DHRS12: variants seen among roughly 807,000 people sequenced by gnomAD.
DHRS12 encodes the protein dehydrogenase/reductase 12.
In DHRS12, 29 loss-of-function variants were observed where a neutral mutation model predicts 32.1. The observed-to-expected ratio is 0.90, with a 90% CI of 0.67 to 1.23. The LOEUF (loss-of-function observed/expected upper bound fraction) is 1.23, where lower values mean the gene tolerates loss of function less well. Ranked by LOEUF, DHRS12 falls within the 50% of genes most tolerant of loss-of-function variation. DHRS12 has a pLI of 0.00. For synonymous variants in DHRS12, 150 were observed against 135.9 expected (o/e 1.10, Z -0.72); for missense variants, 330 against 337.2 (o/e 0.98, Z 0.17).
chr13:51,788,670 C>A (rs1383811124), intron 4 of DHRS12, among the ~76,000 whole-genome samples: 3 of 151,842 alleles, frequency 2.0e-5, no homozygotes, highest in African/African-American at 7.3e-5. Context: ...CATAGTGAGA[C>A]CCCCACCTCA....
chr13:51,770,743 G>A (rs1953971308), intron 7 of DHRS12: 1 of 1,000,690 alleles, frequency 1.0e-6, no homozygotes, highest in African/African-American at 1.8e-5. Flanking sequence ...ATAGGGGTGT[G>A]GTAGTTACAA....
chr13:51,779,666 G>C (rs943599082), intron 4 of DHRS12, among the ~76,000 whole-genome samples: 1 of 152,224 alleles, frequency 6.6e-6, no homozygotes, highest in Non-Finnish European at 1.5e-5. Context: ...GCTGCTGACA[G>C]GTTCTCCTGT....
the DHRS12 span, chr13:51,756,506 A>G: frequency 6.3e-7 from 1 of 1,590,388 alleles, no homozygotes; most frequent in Admixed American, 1.8e-5. Context: ...TAAGGCGAGA[A>G]TTTAATCTGA....
chr13:51,783,704 T>G (rs1449056006), intron 4 of DHRS12, among the ~76,000 whole-genome samples: 1 of 152,164 alleles, frequency 6.6e-6, no homozygotes, highest in South Asian at 2.1e-4. Context: ...GACCTCTTCT[T>G]AGCCCCCTAG....
chr13:51,776,990 C>A lies in DHRS12; in HGVS notation c.363+70G>T. 12 of 1,580,124 alleles carry A rather than the reference C, an allele frequency of 7.6e-6. No homozygotes were observed. In the South Asian group the frequency reaches 1.1e-4, roughly 15 times the overall value. Reference sequence around the variant, plus strand: ...CCCCTTAGGGCAGTCAGGCAGCAAACCTAGGCCCACTGACTTCCCATCAGG... The same window carrying A: ...CCCCTTAGGGCAGTCAGGCAGCAAAACTAGGCCCACTGACTTCCCATCAGG... On this transcript the variant is annotated intron_variant, in intron 5 of 8. Coordinates refer to ENST00000444610, the MANE Select transcript of DHRS12 (RefSeq NM_001377533.1).
chr13:51,767,692 A>G (rs930217184), downstream of DHRS12: 2 of 149,576 alleles, frequency 1.3e-5, no homozygotes, highest in Non-Finnish European at 2.9e-5. Context: ...GCCTCATTAA[A>G]TTGTTTGTGT....
intron 6 of DHRS12, 37 bp downstream of exon 6, chr13:51,773,892 TG>T (rs1286057374): frequency 1.9e-6 from 3 of 1,572,636 alleles, no homozygotes; most frequent in African/African-American, 2.7e-5. Flanking sequence ...TCGCAGCCCG[TG>T]GGTAAAATGC....
downstream of DHRS12, chr13:51,767,637 A>G (rs1953791503): frequency 6.5e-6 from 1 of 154,000 alleles, no homozygotes; most frequent in Non-Finnish European, 1.4e-5. Flanking sequence ...AGAATGCCAG[A>G]TGCATTACTG....
chr13:51,760,616 C>T, the DHRS12 span: 5 of 152,286 alleles, frequency 3.3e-5, no homozygotes, highest in South Asian at 1.0e-3. Context: ...CTCCCTCACT[C>T]GTAACAATGA....
chr13:51,776,971 AG>A, intron 5 of DHRS12, 88 bp downstream of exon 5: 1 of 1,456,938 alleles, frequency 6.9e-7, no homozygotes. Context: ...TGGCCCCCTT[AG>A]GGCAGTCAGG....
the DHRS12 span, among the ~76,000 whole-genome samples, chr13:51,756,070 T>C: frequency 6.6e-6 from 1 of 152,166 alleles, no homozygotes; most frequent in Admixed American, 6.5e-5. Context: ...CCTAGTATGA[T>C]CATTGGAAAG....
At chr13:51,776,183 C>CTCTACAGTATTCTCCTACATGTAT (rs1954382371) in intron 5 of DHRS12, 2 of 42,274 alleles carry the variant, frequency 4.7e-5, no homozygotes, top group African/African-American at 2.0e-4. Flanking sequence ...CCTACATGTA[C>CTCTACAGTATTCTCCTACATGTAT]TCTACAGTAT....
At chr13:51,784,267 G>C (rs1459685940) in intron 4 of DHRS12, among the ~76,000 whole-genome samples, 1 of 152,212 alleles carries the variant, frequency 6.6e-6, no homozygotes, top group Non-Finnish European at 1.5e-5. Context: ...CAGGCACACA[G>C]AGGGGTCCAT....
Position 51,790,079 on chromosome 13 carries a change from C to A in DHRS12, c.233G>T (p.Gly78Val), listed in dbSNP as rs762083320. The A allele has an allele frequency of 1.3e-5, 20 of 1,590,200 alleles. No homozygotes were observed. The highest frequency in any genetic ancestry group is 1.7e-5 in the Non-Finnish European group (20 of 1,172,596). Residue 78 changes from glycine (G) to valine (V), a missense_variant, in exon 4 of 9, where the codon GGT (glycine) becomes GTT (valine). Physicochemically the swap from Gly to Val is moderately radical, Grantham distance 109. Coordinates refer to ENST00000444610, the MANE Select transcript of DHRS12 (RefSeq NM_001377533.1). ...HKLHVLINNA[G>V]CMVNKRELTE... ...GAGCTCTCTTTTATTGACCATGCAA[C>A]CTGCATTATTGATCTAAAATTTATA... is the stretch of plus-strand genomic sequence containing the variant.
At chr13:51,766,953 G>T (rs532294476), downstream of DHRS12, 3 of 152,334 alleles carry the variant, frequency 2.0e-5, no homozygotes, top group Non-Finnish European at 4.4e-5. Flanking sequence ...CTGTTTGGAG[G>T]TGAAGATGAG....
chr13:51,758,433 C>A, the DHRS12 span: 1 of 509,490 alleles, frequency 2.0e-6, no homozygotes, highest in Non-Finnish European at 3.5e-6. Context: ...TGTCTGTAGT[C>A]CCAGCTACTC....
rs1040127407 is a variant in DHRS12, at chr13:51,768,086, G to T, written c.*101C>A. 6 of 1,495,138 alleles carry T rather than the reference G, an allele frequency of 4.0e-6. No homozygotes were observed. In the African/African-American group the frequency reaches 7.1e-5, roughly 18 times the overall value. 92.6% of individuals were successfully genotyped at this position (1,495,138 alleles called of 1,614,324 possible). ...CCTCGCTGTGAGGCACAACGTCTTC[G>T]AGGGGAAGTTGAAGTGGGGTCTTCT... On this transcript the variant is annotated 3_prime_UTR_variant, in exon 9 of 9. Coordinates refer to ENST00000444610, the MANE Select transcript of DHRS12 (RefSeq NM_001377533.1).
chr13:51,768,506 GC>G, intron 8 of DHRS12: 1 of 1,416,438 alleles, frequency 7.1e-7, no homozygotes, highest in Non-Finnish European at 9.2e-7. Context: ...GGAGGCTGCA[GC>G]CAGGGCTGGA....
chr13:51,778,141 C>T (rs1954533505), intron 4 of DHRS12, among the ~76,000 whole-genome samples: 1 of 152,216 alleles, frequency 6.6e-6, no homozygotes, highest in African/African-American at 2.4e-5. Flanking sequence ...AACCCTGGCT[C>T]TGGCACTTAC....
Sources: gnomAD v4.1 joint callset for allele counts (sites outside exome capture counted in the v4.1 genomes callset) on GRCh38, gnomAD v4.1.1 for gene constraint, MANE v1.5 for transcripts, NCBI Gene and HGNC (gene_info 2026-07-23, HGNC 2026-07-21) for gene names.